The following UBR4 variants were observed in gnomAD, a reference collection of about 807,000 sequenced individuals.
UBR4 encodes the protein E3 ubiquitin-protein ligase UBR4.
Under a neutral mutation model 575.6 loss-of-function variants are expected in UBR4, and 124 were observed. The observed-to-expected ratio is 0.22, with a 90% CI of 0.19 to 0.25. The LOEUF is 0.25. Ranked by LOEUF, UBR4 falls within the 10% of genes least tolerant of loss-of-function variation. The pLI is 1.00. For synonymous variants in UBR4, 2,455 were observed against 2,473.7 expected (o/e 0.99, Z 0.22); for missense variants, 4,818 against 6,478.8 (o/e 0.74, Z 8.80).
Position 19,129,427 on chromosome 1 carries a change from T to C in UBR4, c.8907-353A>G, listed in dbSNP as rs548832568. ...CTCCAACTGCAAGATTTATGGCTTT[T>C]TTCTAATATGTGGCCCTATTCTGCC... is the stretch of plus-strand genomic sequence containing the variant. On this transcript the variant is annotated intron_variant, in intron 60 of 105. Transcript: ENST00000375254. 2.5e-3 allele frequency among the ~76,000 whole-genome samples: 387 copies of C among 152,338 alleles called. 1 individual carries two copies. Among genetic ancestry groups the C allele is most frequent in the Middle Eastern group, 0.014 (4 of 294 alleles).
chr1:19,192,272 T>C lies in UBR4; in HGVS notation c.1310A>G (p.Asp437Gly). The C allele has an allele frequency of 6.2e-7, 1 of 1,614,152 alleles. No homozygotes were observed. The highest frequency in any genetic ancestry group is 8.5e-7 in the Non-Finnish European group (1 of 1,180,016). Residue 437 changes from aspartate to glycine, a missense_variant, in exon 11 of 106, where the codon GAC becomes GGC. Around this residue, in one of 29 missense-constraint regions of UBR4, gnomAD observed 162 missense variants for 216.4 expected, o/e 0.75. Coordinates refer to ENST00000375254, the MANE Select transcript of UBR4 (RefSeq NM_020765.3). ...TCTGACTCGGAGGGCAGCCAGTGGGTCCTTCTCTTTCCCCTTATCAGCCAA... is the reference window on the plus strand; with the variant it reads ...TCTGACTCGGAGGGCAGCCAGTGGGCCCTTCTCTTTCCCCTTATCAGCCAA... Reference protein sequence around the residue: ...TALADKGKEKDPLAALRVRDI... With the variant: ...TALADKGKEKGPLAALRVRDI...
intron 102 of UBR4, chr1:19,081,890 C>T (rs957791378): frequency 1.6e-6 from 1 of 622,958 alleles, no homozygotes; most frequent in Non-Finnish European, 2.9e-6. Context: ...TCACAATCTC[C>T]CCAACATGGA....
At chr1:19,137,195 G>A (rs1189734865) in intron 60 of UBR4, among the ~76,000 whole-genome samples, 4 of 151,912 alleles carry the variant, frequency 2.6e-5, no homozygotes, top group African/African-American at 9.7e-5. Flanking sequence ...AGCAACTCGG[G>A]AGGCTGAGGT....
chr1:19,111,778 A>T (rs1435888707), intron 78 of UBR4: 1 of 151,766 alleles, frequency 6.6e-6, no homozygotes, highest in African/African-American at 2.4e-5. Context: ...GCACCACTAC[A>T]CCTGTCTAAT....
intron 8 of UBR4, among the ~76,000 whole-genome samples, chr1:19,194,960 T>A (rs1323922688): frequency 2.0e-5 from 3 of 150,670 alleles, no homozygotes; most frequent in African/African-American, 7.3e-5. Flanking sequence ...AATAAATAAA[T>A]AAATAAATAA....
At chr1:19,151,310 CTG>C (rs1347720875) in intron 48 of UBR4, 1 of 412,370 alleles carries the variant, frequency 2.4e-6, no homozygotes, top group African/African-American at 2.0e-5. Context: ...AGGTCTTCCT[CTG>C]TGCGTTAAGA....
intron 104 of UBR4, chr1:19,077,641 G>A (rs972064452): frequency 1.4e-6 from 1 of 698,780 alleles, no homozygotes; most frequent in Admixed American, 2.9e-5. Flanking sequence ...GCTGAGGCAG[G>A]AGAATCACTT....
chr1:19,184,113 G>T lies in UBR4; in HGVS notation c.2001C>A (p.Asn667Lys). The T allele has an allele frequency of 6.2e-7, 1 of 1,614,192 alleles. No homozygotes were observed. Among genetic ancestry groups the T allele is most frequent in the South Asian group, 1.1e-5 (1 of 91,084 alleles). The change falls in exon 16 of 106, where the codon AAC becomes AAA. Residue 667 changes from asparagine to lysine, a missense_variant. By Grantham distance (94) the Asn-to-Lys change is moderately conservative. Transcript: ENST00000375254. ...CACTCAGATAGTTTCGGATAAAATT[G>T]TTCCGAGAGTTCAGCATGGAAGAGG... ...FITSSMLNSR[N>K]NFIRNYLSVS...
At chr1:19,103,358 A>G (rs1295831986) in intron 87 of UBR4, among the ~76,000 whole-genome samples, 1 of 152,204 alleles carries the variant, frequency 6.6e-6, no homozygotes. Flanking sequence ...TGGGGTCGGG[A>G]GTTCGAGACC....
Position 19,093,465 on chromosome 1 carries a change from A to G in UBR4, c.13959T>C (p.Gly4653=). The G allele has an allele frequency of 6.2e-7, 1 of 1,614,140 alleles. No individual in the cohort carries two copies. Among genetic ancestry groups the G allele is most frequent in the Non-Finnish European group, 8.5e-7 (1 of 1,180,028 alleles). The change falls in exon 96 of 106, where the codon GGT becomes GGC. Residue 4653 remains glycine (G), a synonymous_variant. Coordinates refer to ENST00000375254, the MANE Select transcript of UBR4 (RefSeq NM_020765.3). This position sits in a 1 kb window ranked among gnomAD's most constrained non-coding sequence, Gnocchi z 4.8. ...NFDKYDEDHS[G]DDKVFLDCFC... is the part of the protein sequence containing the mutation. The stretch of plus-strand genomic sequence containing the variant: ...AGCAGTCCAGGAAGACTTTATCATC[A>G]CCACTGTGATCTTCATCATATCTAG...
At position 19,106,756 on chromosome 1, in the gene UBR4, G is replaced by C; in HGVS notation, c.12236-30C>G. On this transcript the variant is annotated intron_variant, in intron 82 of 105. Transcript: ENST00000375254. ...AAGGCCAAGGGTTGCAGGGGTAGTA[G>C]GTAAGTAAATGAGAGTGACAGAAGG... The C allele has an allele frequency of 5.6e-6, 9 of 1,598,744 alleles. 1 individual carries two copies. Among genetic ancestry groups the C allele is most frequent in the Non-Finnish European group, 7.7e-6 (9 of 1,169,018 alleles).
chr1:19,129,086 G>A lies in UBR4; in HGVS notation c.8907-12C>T. ...GGACCATGTGCAGCCTAAAAGGGTG[G>A]GGAAAAGATAGAAAATATGAGCTGT... On this transcript the variant is annotated splice_polypyrimidine_tract_variant and intron_variant, in intron 60 of 105. Coordinates refer to ENST00000375254, the MANE Select transcript of UBR4 (RefSeq NM_020765.3). 11 of 1,612,076 alleles carry A rather than the reference G, an allele frequency of 6.8e-6. No individual in the cohort carries two copies. Among genetic ancestry groups the A allele is most frequent in the Non-Finnish European group, 9.3e-6 (11 of 1,178,298 alleles).
chr1:19,150,853 G>A, intron 48 of UBR4, 60 bp from the exon 49 acceptor site: 1 of 1,544,166 alleles, frequency 6.5e-7, no homozygotes, highest in Non-Finnish European at 8.9e-7. Context: ...CCCCTCCAAA[G>A]CAAAGACCAG....
At chr1:19,125,970 T>C (rs570866949) in intron 64 of UBR4, among the ~76,000 whole-genome samples, 1 of 152,220 alleles carries the variant, frequency 6.6e-6, no homozygotes, top group South Asian at 2.1e-4. Context: ...CTGTAGAAGC[T>C]GAAGGTTAGG....
chr1:19,097,812 A>G (rs2078206630), intron 90 of UBR4, among the ~76,000 whole-genome samples: 1 of 152,236 alleles, frequency 6.6e-6, no homozygotes, highest in South Asian at 2.1e-4. Flanking sequence ...AAGAGAGTAC[A>G]TCAATCTTTA....
In UBR4 at chr1:19,078,040, T is replaced by G. The variant is rs529465772; in HGVS notation, c.15260A>C (p.Tyr5087Ser). The G allele has an allele frequency of 6.2e-6, 10 of 1,614,030 alleles. No homozygotes were observed. In the African/African-American group the frequency reaches 9.3e-5, roughly 15 times the overall value. Reference protein sequence around the residue: ...TRLTDKAVKDYSAYRSSLLFW... With the variant: ...TRLTDKAVKDSSAYRSSLLFW... ...GAGAAGGGAAGAACGGTAAGCGGAA[T>G]AGTCCTTCACTGCCTTATCTGTCAG... Residue 5087 changes from tyrosine to serine, a missense_variant, in exon 104 of 106, where the codon TAT becomes TCT. Tyr to Ser is a moderately radical substitution (Grantham distance 144, BLOSUM62 -2). Coordinates refer to ENST00000375254, the MANE Select transcript of UBR4 (RefSeq NM_020765.3).
At chr1:19,084,385 T>C (rs537018024) in intron 102 of UBR4, 119 bp downstream of exon 102, 7 of 1,100,542 alleles carry the variant, frequency 6.4e-6, no homozygotes, top group East Asian at 2.6e-5. Context: ...AAGGCTGCCT[T>C]AGGCCAGACG....
At chr1:19,081,603 A>T (rs751799370) in intron 102 of UBR4, 30 bp from the exon 103 acceptor site, 17 of 1,613,008 alleles carry the variant, frequency 1.1e-5, no homozygotes, top group Non-Finnish European at 1.4e-5. Context: ...ATAAAATAAA[A>T]GCAGGGTGGA....
chr1:19,161,909 A>G lies in UBR4; in HGVS notation c.4957-12T>C, dbSNP rs781485340. 12 of 1,614,000 alleles carry G rather than the reference A, an allele frequency of 7.4e-6. No individual in the cohort carries two copies. Among genetic ancestry groups the G allele is most frequent in the African/African-American group, 4.0e-5 (3 of 75,076 alleles). On this transcript the variant is annotated splice_polypyrimidine_tract_variant and intron_variant, in intron 35 of 105. Coordinates refer to ENST00000375254, the MANE Select transcript of UBR4 (RefSeq NM_020765.3). Reference sequence around the variant, plus strand: ...AGAGAATCTTCATCCTTCAAAAATAATAAGTCTTTTTAATTCGAAATATAT... The same window carrying G: ...AGAGAATCTTCATCCTTCAAAAATAGTAAGTCTTTTTAATTCGAAATATAT...
Sources: allele counts gnomAD v4.1 joint callset (sites outside exome capture counted in the v4.1 genomes callset), GRCh38; gene constraint gnomAD v4.1.1; regional missense constraint gnomAD v4.1.1; non-coding constraint Gnocchi (gnomAD v3.1); transcripts MANE v1.5; gene names NCBI Gene and HGNC (gene_info 2026-07-23, HGNC 2026-07-21).